Variants in MINDY4 observed in about 807,000 individuals in gnomAD.
The protein encoded by MINDY4 is probable ubiquitin carboxyl-terminal hydrolase MINDY-4.
MINDY4 carries 68 observed loss-of-function variants against 87.0 expected under a neutral mutation model. That is an observed-to-expected ratio of 0.78 (90% CI 0.64 to 0.96). The LOEUF is 0.96. Ranked by LOEUF, MINDY4 falls within the 40% of genes least tolerant of loss-of-function variation. The pLI is 0.00. For synonymous variants in MINDY4, 379 were observed against 363.2 expected (o/e 1.04, Z -0.50); for missense variants, 919 against 928.2 (o/e 0.99, Z 0.13).
chr7:30,821,835 C>A (rs1039237466), intron 5 of MINDY4, among the ~76,000 whole-genome samples: 2 of 152,154 alleles, frequency 1.3e-5, no homozygotes, highest in African/African-American at 2.4e-5. Flanking sequence ...CACTAATCTA[C>A]TGTTTATGTT....
At chr7:30,837,097 G>T (rs1254168266) in intron 7 of MINDY4, among the ~76,000 whole-genome samples, 1 of 152,182 alleles carries the variant, frequency 6.6e-6, no homozygotes, top group Non-Finnish European at 1.5e-5. Flanking sequence ...CATTAGAGCA[G>T]CGCTGCTCCT....
chr7:30,783,505 T>A (rs1787065431), intron 3 of MINDY4, among the ~76,000 whole-genome samples: 1 of 152,212 alleles, frequency 6.6e-6, no homozygotes, highest in South Asian at 2.1e-4. Context: ...GGGAGTTATT[T>A]ATATCCTACT....
intron 2 of MINDY4, chr7:30,779,512 A>G (rs555344090): frequency 6.6e-6 from 1 of 152,376 alleles, no homozygotes; most frequent in African/African-American, 2.4e-5. Context: ...TAAAAAAGCA[A>G]TAAAATGATA....
At chr7:30,852,169 G>T in intron 10 of MINDY4, 47 bp from the exon 11 acceptor site, 1 of 1,611,062 alleles carries the variant, frequency 6.2e-7, no homozygotes, top group African/African-American at 1.3e-5. Flanking sequence ...TGGAGGGCAC[G>T]CCTTCTCTCC....
chr7:30,872,400 G>A lies in MINDY4; in HGVS notation c.1809+94G>A, dbSNP rs1790134309. On this transcript the variant is annotated intron_variant, in intron 14 of 17. Transcript: ENST00000265299. ...CCTCCCTCCTCTTGCCCCAGAAAAA[G>A]ACAAGTCTTTCTTGCCTCTGCCAAC... 8 of 1,221,704 alleles carry A rather than the reference G, an allele frequency of 6.5e-6. No homozygotes were observed. The East Asian group carries it at 2.0e-4, about 30-fold the overall frequency. 75.7% of individuals were successfully genotyped at this position (1,221,704 alleles called of 1,614,324 possible).
At chr7:30,862,579 C>A (rs981819072) in intron 13 of MINDY4, among the ~76,000 whole-genome samples, 1 of 152,224 alleles carries the variant, frequency 6.6e-6, no homozygotes, top group Non-Finnish European at 1.5e-5. Context: ...AATCCCACCT[C>A]TGCCTGCTGC....
At chr7:30,859,077 T>A (rs1459460925) in intron 12 of MINDY4, 180 bp from the exon 13 acceptor site, 6 of 718,074 alleles carry the variant, frequency 8.4e-6, no homozygotes, top group African/African-American at 7.0e-5. Context: ...TCATTCAGGT[T>A]GTTGCAATGT....
intron 9 of MINDY4, among the ~76,000 whole-genome samples, chr7:30,846,659 G>T (rs998527980): frequency 6.6e-6 from 1 of 151,744 alleles, no homozygotes; most frequent in Non-Finnish European, 1.5e-5. Flanking sequence ...TCTCACGCAG[G>T]CACATACAGC....
intron 6 of MINDY4, among the ~76,000 whole-genome samples, chr7:30,831,621 G>T (rs1421215804): frequency 6.6e-6 from 1 of 152,072 alleles, no homozygotes; most frequent in Non-Finnish European, 1.5e-5. Context: ...GAGAGATGGG[G>T]TCTTTTATTG....
chr7:30,841,377 G>T (rs542090201), intron 9 of MINDY4, among the ~76,000 whole-genome samples: 2 of 152,222 alleles, frequency 1.3e-5, no homozygotes, highest in Non-Finnish European at 2.9e-5. Context: ...CTCTGTGCAG[G>T]CACAAATGAT....
At chr7:30,859,174 G>T (rs1373793166) in intron 12 of MINDY4, 83 bp from the exon 13 acceptor site, 1 of 1,393,638 alleles carries the variant, frequency 7.2e-7, no homozygotes, top group Admixed American at 1.7e-5. Flanking sequence ...GCTGCTCCCT[G>T]GGGTGTGGCT....
intron 5 of MINDY4, among the ~76,000 whole-genome samples, chr7:30,815,036 T>C (rs1056797927): frequency 6.6e-6 from 1 of 152,116 alleles, no homozygotes; most frequent in African/African-American, 2.4e-5. Context: ...CAGCCTCTCG[T>C]TGGTGCAGCT....
At chr7:30,827,033 G>A (rs1289954247) in intron 5 of MINDY4, among the ~76,000 whole-genome samples, 1 of 152,144 alleles carries the variant, frequency 6.6e-6, no homozygotes, top group Non-Finnish European at 1.5e-5. Context: ...AAGATGTCAG[G>A]GGCCAAGGGT....
intron 5 of MINDY4, among the ~76,000 whole-genome samples, chr7:30,807,021 C>A (rs906283471): frequency 6.6e-6 from 1 of 152,158 alleles, no homozygotes; most frequent in African/African-American, 2.4e-5. Context: ...TCCTTTGGTC[C>A]CAGTGTCACT....
At chr7:30,882,849 G>T in intron 16 of MINDY4, 72 bp from the exon 17 acceptor site, 4 of 1,403,612 alleles carry the variant, frequency 2.8e-6, no homozygotes, top group Admixed American at 3.5e-5. Flanking sequence ...GGTCTCGGGA[G>T]TGGTCAGCGC....
chr7:30,787,147 G>A (rs2128167294), intron 4 of MINDY4, among the ~76,000 whole-genome samples: 1 of 152,294 alleles, frequency 6.6e-6, no homozygotes, highest in East Asian at 1.9e-4. Flanking sequence ...CTTGGCTGCA[G>A]TCTCTTCTAT....
chr7:30,882,280 G>A lies in MINDY4; in HGVS notation c.2071G>A (p.Asp691Asn). Reference sequence around the variant, plus strand: ...TAGCCTGCAGCCGGGGCTCCTGCGTGACTGGAGGACTGAGAGGCTCTTTGA... The same window carrying A: ...TAGCCTGCAGCCGGGGCTCCTGCGTAACTGGAGGACTGAGAGGCTCTTTGA... ...LFSLQPGLLRDWRTERLFDLY... is the reference protein window; with the variant it reads ...LFSLQPGLLRNWRTERLFDLY... The change falls in exon 16 of 18, where the codon GAC becomes AAC. Residue 691 changes from aspartate to asparagine, a missense_variant. Physicochemically the swap from Asp to Asn is conservative, Grantham distance 23 (BLOSUM62 1). Coordinates refer to ENST00000265299, the MANE Select transcript of MINDY4 (RefSeq NM_032222.3). 6.2e-7 allele frequency: 1 copy of A among 1,613,986 alleles called. No individual in the cohort carries two copies.
chr7:30,868,716 C>G (rs547352838), intron 13 of MINDY4, among the ~76,000 whole-genome samples: 15 of 152,314 alleles, frequency 9.8e-5, no homozygotes, highest in African/African-American at 3.4e-4. Flanking sequence ...TCTCAGGGAC[C>G]TTCTGATGGT....
chr7:30,775,615 T>C (rs1001745824), intron 1 of MINDY4, among the ~76,000 whole-genome samples: 24 of 152,174 alleles, frequency 1.6e-4, no homozygotes, highest in Admixed American at 5.9e-4. Context: ...CTCTGGGAGA[T>C]TGGGAGGTAG....
Sources: allele counts gnomAD v4.1 joint callset (sites outside exome capture counted in the v4.1 genomes callset), GRCh38; gene constraint gnomAD v4.1.1; transcripts MANE v1.5; gene names NCBI Gene and HGNC (gene_info 2026-07-23, HGNC 2026-07-21).